The following ZBTB21 variants were observed in gnomAD, a reference collection of about 807,000 sequenced individuals.
The protein encoded by ZBTB21 is zinc finger and BTB domain-containing protein 21.
A neutral mutation model predicts 39.8 loss-of-function variants in ZBTB21; 10 were observed. The observed-to-expected ratio is 0.25, with a 90% CI of 0.16 to 0.43. The LOEUF (loss-of-function observed/expected upper bound fraction) is 0.43, where lower values mean the gene tolerates loss of function less well. ZBTB21 is among the 20% of genes least tolerant of loss of function. The pLI is 1.00. For synonymous variants in ZBTB21, 551 were observed against 498.8 expected (o/e 1.10, Z -1.40); for missense variants, 1,221 against 1,296.3 (o/e 0.94, Z 0.89).
intron 2 of ZBTB21, chr21:42,002,476 A>G (rs1214427827): frequency 6.6e-6 from 1 of 152,100 alleles, no homozygotes; most frequent in East Asian, 1.9e-4. Flanking sequence ...CCGAATCCTC[A>G]AAAACTTTTG....
intron 2 of ZBTB21, among the ~76,000 whole-genome samples, chr21:41,999,673 CA>C (rs955619878): frequency 6.6e-6 from 1 of 152,146 alleles, no homozygotes; most frequent in Middle Eastern, 3.2e-3. Flanking sequence ...ATTCATTCAT[CA>C]AAATGGGATC....
chr21:41,995,793 C>G (rs2065738278), intron 2 of ZBTB21, among the ~76,000 whole-genome samples: 1 of 152,210 alleles, frequency 6.6e-6, no homozygotes, highest in South Asian at 2.1e-4. Flanking sequence ...GGCCCAGGGC[C>G]CCCTTTCTGT....
chr21:41,997,818 T>C (rs1295918736), intron 2 of ZBTB21, among the ~76,000 whole-genome samples: 1 of 152,034 alleles, frequency 6.6e-6, no homozygotes, highest in African/African-American at 2.4e-5. Flanking sequence ...GGAGGCCTAG[T>C]GGTAGAGTGC....
intron 2 of ZBTB21, among the ~76,000 whole-genome samples, chr21:42,001,084 C>G (rs2065811682): frequency 6.6e-6 from 1 of 152,168 alleles, no homozygotes; most frequent in South Asian, 2.1e-4. Flanking sequence ...TTATTATCCC[C>G]ATTTTACAGA....
At chr21:42,000,411 A>C (rs1336192168) in intron 2 of ZBTB21, among the ~76,000 whole-genome samples, 1 of 152,126 alleles carries the variant, frequency 6.6e-6, no homozygotes, top group African/African-American at 2.4e-5. Context: ...GGGGAATCCA[A>C]ACTAAGACAC....
intron 1 of ZBTB21, among the ~76,000 whole-genome samples, chr21:42,007,615 C>A (rs899613409): frequency 6.6e-6 from 1 of 152,226 alleles, no homozygotes; most frequent in Non-Finnish European, 1.5e-5. Flanking sequence ...ATCTAAACTA[C>A]CACAATACTT....
chr21:41,987,006 T>C lies in ZBTB21; in HGVS notation c.*3889A>G, dbSNP rs1425289187. ...CTTATTCCTAAGTAAAATGGAAAAA[T>C]GACTTACTCTGCTAAGGCATATGAC... On this transcript the variant is annotated 3_prime_UTR_variant, in exon 3 of 3. Coordinates refer to ENST00000310826, the MANE Select transcript of ZBTB21 (RefSeq NM_001098402.2). 6.6e-6 allele frequency: 1 copy of C among 152,606 alleles called. No individual in the cohort carries two copies. Among genetic ancestry groups the C allele is most frequent in the Non-Finnish European group, 1.5e-5 (1 of 68,016 alleles). 9.5% of individuals were successfully genotyped at this position (152,606 alleles called of 1,614,324 possible).
rs890105015 is a variant in ZBTB21, at chr21:41,990,477, G to GACTTA, written c.*413_*417dup. 1 of 153,328 alleles carries GACTTA rather than the reference G, an allele frequency of 6.5e-6. No individual in the cohort carries two copies. Among genetic ancestry groups the GACTTA allele is most frequent in the Non-Finnish European group, 1.5e-5 (1 of 68,612 alleles). 9.5% of individuals were successfully genotyped at this position (153,328 alleles called of 1,614,324 possible). A position where few individuals can be genotyped will look rare whatever the true frequency, so the allele number is the denominator to read the frequency against. On this transcript the variant is annotated 3_prime_UTR_variant, in exon 3 of 3. Transcript: ENST00000310826. ...AACTACTCCACTTCTTCCTATTTTG[G>GACTTA]ACTTAAGAACATGGTTAAGATTTAA...
At position 42,010,261 on chromosome 21, in the gene ZBTB21, G is replaced by C. The variant is rs1367314628; in HGVS notation, c.-88C>G. 1.0e-5 allele frequency: 4 copies of C among 398,280 alleles called. No homozygotes were observed. The East Asian group carries it at 1.4e-4, about 14-fold the overall frequency. The allele number at this position is 398,280 out of a possible 1,614,324, so 24.7% of individuals were successfully genotyped here. A position where few individuals can be genotyped will look rare whatever the true frequency, so the allele number is the denominator to read the frequency against. On this transcript the variant is annotated 5_prime_UTR_variant, in exon 1 of 3. Transcript: ENST00000310826. ...CGTGACAGTTACTCACCGGTCTTCA[G>C]TCTCGAGGCAGACGCCGGGCCCCTT...
At position 41,993,980 on chromosome 21, in the gene ZBTB21, T is replaced by C; in HGVS notation, c.116A>G (p.Gln39Arg). The change falls in exon 3 of 3, where the codon CAA (glutamine) becomes CGA (arginine). Residue 39 changes from glutamine to arginine, a missense_variant. This residue lies in a region of ZBTB21 where 108 missense variants were observed against 155.0 expected (regional missense o/e 0.70). Transcript: ENST00000310826. ...GACGTTTTTATGAGCTCGGAACTTT[T>C]GGTCTCCAACAATCAGCAGCACATC... ...LCDVLLIVGD[Q>R]KFRAHKNVLA... 2 of 1,614,266 alleles carry C rather than the reference T, an allele frequency of 1.2e-6. No homozygotes were observed. The highest frequency in any genetic ancestry group is 1.7e-6 in the Non-Finnish European group (2 of 1,180,046).
chr21:42,005,932 C>T (rs2065873209), intron 1 of ZBTB21, among the ~76,000 whole-genome samples: 1 of 152,192 alleles, frequency 6.6e-6, no homozygotes, highest in Non-Finnish European at 1.5e-5. Context: ...TCGCTGGATG[C>T]AGTGCCTAGA....
At chr21:41,995,500 C>T (rs1468745316) in intron 2 of ZBTB21, among the ~76,000 whole-genome samples, 1 of 152,136 alleles carries the variant, frequency 6.6e-6, no homozygotes, top group East Asian at 1.9e-4. Context: ...GGCAGCAAAG[C>T]ATTCAAGAGG....
In ZBTB21 at chr21:41,993,209, T is replaced by C. The variant is rs139961876; in HGVS notation, c.887A>G (p.Asn296Ser). ...ATCTTCACCTTGACCATTTCCTTTG[T>C]TAGTTTCTTTTAATAGATAGGGAGT... ...SETPYLLKET[N>S]KGNGQGEDRN... Residue 296 changes from asparagine to serine, a missense_variant, in exon 3 of 3, where the codon AAC becomes AGC. Physicochemically the swap from Asn to Ser is conservative, Grantham distance 46. Coordinates refer to ENST00000310826, the MANE Select transcript of ZBTB21 (RefSeq NM_001098402.2). 2.6e-4 allele frequency: 413 copies of C among 1,612,464 alleles called. No homozygotes were observed. The African/African-American group carries it at 4.9e-3, about 19-fold the overall frequency.
Position 41,991,738 on chromosome 21 carries a change from G to T in ZBTB21, c.2358C>A (p.Ser786=). The stretch of plus-strand genomic sequence containing the variant: ...CCTGGTGCCGCCAGATGCTGAAAGA[G>T]GACTTGAAGGTGCGCATGCACTCGA... ...TCLECMRTFK[S]SFSIWRHQVE... Residue 786 remains serine, a synonymous_variant, in exon 3 of 3, where the codon TCC becomes TCA. Coordinates refer to ENST00000310826, the MANE Select transcript of ZBTB21 (RefSeq NM_001098402.2). This position sits in a 1 kb window ranked among gnomAD's most constrained non-coding sequence, Gnocchi z 4.9. 6.2e-7 allele frequency: 1 copy of T among 1,614,216 alleles called. No homozygotes were observed.
chr21:42,007,349 G>C (rs1039161623), intron 1 of ZBTB21, among the ~76,000 whole-genome samples: 2 of 152,158 alleles, frequency 1.3e-5, no homozygotes, highest in Admixed American at 6.5e-5. Flanking sequence ...GTACTGTACT[G>C]ATTTTTCTAT....
chr21:42,009,791 G>A (rs1049723722), intron 1 of ZBTB21, among the ~76,000 whole-genome samples: 2 of 152,006 alleles, frequency 1.3e-5, no homozygotes, highest in African/African-American at 4.8e-5. Context: ...CCGCCGGCCA[G>A]CTTCCGCGCA....
At chr21:42,000,099 T>A (rs2065799785) in intron 2 of ZBTB21, among the ~76,000 whole-genome samples, 1 of 151,684 alleles carries the variant, frequency 6.6e-6, no homozygotes, top group Admixed American at 6.6e-5. Context: ...AAAGGCAGAG[T>A]CATTAGAATT....
rs2065708347 is a variant in ZBTB21, at chr21:41,993,801, G to A, written c.295C>T (p.Leu99Phe). 1 of 1,614,100 alleles carries A rather than the reference G, an allele frequency of 6.2e-7. No homozygotes were observed. The highest frequency in any genetic ancestry group is 1.3e-5 in the African/African-American group (1 of 74,930). ...SSSLFVEKSS[L>F]AAVQELGYSL... is the part of the protein sequence containing the mutation. ...TAGCCAAGTTCTTGCACAGCAGCAA[G>A]GCTGCTCTTCTCAACAAATAGAGAG... The change falls in exon 3 of 3, where the codon CTT becomes TTT. Residue 99 changes from leucine (L) to phenylalanine (F), a missense_variant. Coordinates refer to ENST00000310826, the MANE Select transcript of ZBTB21 (RefSeq NM_001098402.2).
chr21:42,009,029 CTTAA>C (rs977926377), intron 1 of ZBTB21, among the ~76,000 whole-genome samples: 2 of 152,166 alleles, frequency 1.3e-5, no homozygotes, highest in Non-Finnish European at 2.9e-5. Flanking sequence ...ATGTAAGCTG[CTTAA>C]TTGAGGACTC....
Sources: allele counts gnomAD v4.1 joint callset (sites outside exome capture counted in the v4.1 genomes callset), GRCh38; gene constraint gnomAD v4.1.1; regional missense constraint gnomAD v4.1.1; non-coding constraint Gnocchi (gnomAD v3.1); transcripts MANE v1.5; gene names NCBI Gene and HGNC (gene_info 2026-07-23, HGNC 2026-07-21).